The following TAFA5 variants were observed in gnomAD, a reference collection of about 807,000 sequenced individuals.
TAFA5 encodes TAFA chemokine like family member 5.
In TAFA5, 6 loss-of-function variants were observed where a neutral mutation model predicts 15.3. The observed-to-expected ratio is 0.39, with a 90% confidence interval of 0.21 to 0.77. The LOEUF (loss-of-function observed/expected upper bound fraction) is 0.77, where lower values mean the gene tolerates loss of function less well. Among genes scored for constraint, TAFA5 ranks in the 30% least tolerant of loss-of-function variants. TAFA5 has a pLI of 0.41. For synonymous variants in TAFA5, 103 were observed against 80.7 expected (o/e 1.28, Z -1.48); for missense variants, 161 against 193.1 (o/e 0.83, Z 0.98).
rs571823516 is a variant in TAFA5 at position 48,670,538 on chromosome 22, C to T, written c.262+23792C>T. On this transcript the variant is annotated intron_variant, in intron 2 of 3. Coordinates refer to ENST00000402357, the MANE Select transcript of TAFA5 (RefSeq NM_001082967.3). ...GCTCAGCCCCACTCCCGGCCCCGCA[C>T]TGAGGCTCTAGAGAGTGAAAATGGG... 2.6e-5 allele frequency among the ~76,000 whole-genome samples: 4 copies of T among 152,344 alleles called. No individual in the cohort carries two copies. The East Asian group carries it at 7.7e-4, about 29-fold the overall frequency.
At chr22:48,593,765 T>C (rs1021026711) in intron 1 of TAFA5, among the ~76,000 whole-genome samples, 4 of 152,074 alleles carry the variant, frequency 2.6e-5, no homozygotes, top group Non-Finnish European at 4.4e-5. Context: ...TCCCCAGGCC[T>C]CCACTTCCCG....
intron 1 of TAFA5, among the ~76,000 whole-genome samples, chr22:48,644,471 G>A (rs1019345183): frequency 1.3e-5 from 2 of 152,232 alleles, no homozygotes; most frequent in Non-Finnish European, 2.9e-5. Flanking sequence ...GGGGCAGGCC[G>A]GTCTGGTGCC....
chr22:48,700,378 G>A (rs1050239864), intron 2 of TAFA5, among the ~76,000 whole-genome samples: 3 of 152,290 alleles, frequency 2.0e-5, no homozygotes, highest in South Asian at 4.1e-4. Flanking sequence ...GCCTGACCTC[G>A]CCGGGGAGAG....
At chr22:48,670,262 G>A (rs1159359169) in intron 2 of TAFA5, among the ~76,000 whole-genome samples, 6 of 152,230 alleles carry the variant, frequency 3.9e-5, no homozygotes, top group Admixed American at 3.9e-4. Context: ...GTAAATAATT[G>A]CAGTATTGGA....
intron 1 of TAFA5, among the ~76,000 whole-genome samples, chr22:48,539,816 G>C (rs1261407084): frequency 6.6e-6 from 1 of 152,232 alleles, no homozygotes; most frequent in Non-Finnish European, 1.5e-5. Context: ...TGATACGTCG[G>C]CTGAGAACTG....
intron 1 of TAFA5, among the ~76,000 whole-genome samples, chr22:48,595,233 G>T (rs1350720874): frequency 6.6e-6 from 1 of 152,220 alleles, no homozygotes; most frequent in Admixed American, 6.5e-5. Context: ...CAGCCATGGA[G>T]CCTGGGAGGA....
At chr22:48,702,475 C>T (rs988332800) in intron 2 of TAFA5, among the ~76,000 whole-genome samples, 1 of 152,116 alleles carries the variant, frequency 6.6e-6, no homozygotes, top group Non-Finnish European at 1.5e-5. Context: ...TCTCCAGCCA[C>T]GTCCTAAGCA....
At chr22:48,645,953 C>T (rs999357897) in intron 1 of TAFA5, among the ~76,000 whole-genome samples, 3 of 150,292 alleles carry the variant, frequency 2.0e-5, no homozygotes, top group East Asian at 4.1e-4. Context: ...CACGTACATG[C>T]ACATATGTGT....
chr22:48,526,468 A>T (rs779243731), intron 1 of TAFA5, among the ~76,000 whole-genome samples: 9 of 152,250 alleles, frequency 5.9e-5, no homozygotes, highest in Non-Finnish European at 1.2e-4. Flanking sequence ...GAGCCCTCAG[A>T]GTCCCTGGTC....
chr22:48,634,446 CATTT>C (rs1159038790), intron 1 of TAFA5, among the ~76,000 whole-genome samples: 1 of 152,142 alleles, frequency 6.6e-6, no homozygotes, highest in Non-Finnish European at 1.5e-5. Context: ...TTCATTAACT[CATTT>C]AGTCACTCAC....
chr22:48,539,315 T>A (rs1922278144), intron 1 of TAFA5: 1 of 466,634 alleles, frequency 2.1e-6, no homozygotes, highest in Non-Finnish European at 4.5e-6. Context: ...ATTTGCCAGA[T>A]AATCGGAGGC....
At chr22:48,563,730 T>G (rs1428317707) in intron 1 of TAFA5, among the ~76,000 whole-genome samples, 1 of 152,154 alleles carries the variant, frequency 6.6e-6, no homozygotes, top group African/African-American at 2.4e-5. Flanking sequence ...CTGAGCAGGG[T>G]ATCGGGAGCT....
intron 1 of TAFA5, among the ~76,000 whole-genome samples, chr22:48,585,214 CACAG>C (rs371939045): frequency 0.23 from 34,604 of 151,030 alleles, 3,987 homozygotes; most frequent in East Asian, 0.32. Flanking sequence ...ACCACACACA[CACAG>C]AAACCCACAA....
intron 1 of TAFA5, among the ~76,000 whole-genome samples, chr22:48,607,206 A>G (rs983264195): frequency 1.3e-5 from 2 of 151,084 alleles, no homozygotes; most frequent in African/African-American, 4.9e-5. Flanking sequence ...CACCCATCCC[A>G]GGTACCTCAG....
At chr22:48,549,765 G>A (rs1922796650) in intron 1 of TAFA5, among the ~76,000 whole-genome samples, 2 of 152,204 alleles carry the variant, frequency 1.3e-5, no homozygotes, top group Non-Finnish European at 2.9e-5. Flanking sequence ...GCCTGGAGTG[G>A]TTGTCAGAGC....
intron 3 of TAFA5, among the ~76,000 whole-genome samples, chr22:48,738,063 T>G (rs1418727462): frequency 1.3e-5 from 2 of 151,926 alleles, no homozygotes; most frequent in Non-Finnish European, 2.9e-5. Context: ...TGAGGCTGAG[T>G]CCAGGAACCC....
At chr22:48,690,638 A>T (rs1928510495) in intron 2 of TAFA5, among the ~76,000 whole-genome samples, 1 of 152,028 alleles carries the variant, frequency 6.6e-6, no homozygotes, top group Admixed American at 6.5e-5. Context: ...CATCTCTTCT[A>T]GGGAGCCCTC....
chr22:48,715,263 G>A (rs1020088672), intron 3 of TAFA5, among the ~76,000 whole-genome samples: 22 of 152,212 alleles, frequency 1.4e-4, no homozygotes, highest in Admixed American at 7.2e-4. Flanking sequence ...GCTGTGCTCC[G>A]AAACATGGTG....
At chr22:48,594,608 G>A (rs1188019183) in intron 1 of TAFA5, among the ~76,000 whole-genome samples, 2 of 152,154 alleles carry the variant, frequency 1.3e-5, no homozygotes, top group African/African-American at 4.8e-5. Flanking sequence ...TGCTCCCGTC[G>A]GCTGCCAGCC....
Sources: allele counts gnomAD v4.1 joint callset (sites outside exome capture counted in the v4.1 genomes callset), GRCh38; gene constraint gnomAD v4.1.1; transcripts MANE v1.5; gene names NCBI Gene and HGNC (gene_info 2026-07-23, HGNC 2026-07-21).